The following SHANK2 variants were observed in gnomAD, a reference collection of about 807,000 sequenced individuals.
SHANK2 encodes the protein SH3 and multiple ankyrin repeat domains 2.
In SHANK2, 43 loss-of-function variants were observed where a neutral mutation model predicts 133.7. The ratio of observed to expected loss-of-function variants is 0.32; its 90% CI spans 0.25 to 0.41. The LOEUF is 0.41. Ranked by LOEUF, SHANK2 falls within the 10% of genes least tolerant of loss-of-function variation. The pLI, the probability that SHANK2 is intolerant of heterozygous loss-of-function variation, is 1.00. For missense variants in SHANK2, 1,994 were observed against 2,235.8 expected (o/e 0.89, Z 2.18); for synonymous variants, 1,017 against 952.8 (o/e 1.07, Z -1.24).
intron 2 of SHANK2, among the ~76,000 whole-genome samples, chr11:71,211,537 CA>C (rs201831418): frequency 8.9e-5 from 12 of 134,534 alleles, no homozygotes; most frequent in African/African-American, 2.2e-4. Context: ...GATCCTGTCT[CA>C]AAAAAAAATA....
intron 11 of SHANK2, among the ~76,000 whole-genome samples, chr11:70,891,178 C>T (rs563367792): frequency 2.6e-5 from 4 of 152,262 alleles, no homozygotes; most frequent in Non-Finnish European, 4.4e-5. Flanking sequence ...GGGGCCATAT[C>T]GTCCTGCTCA....
At chr11:70,755,323 C>T (rs879998180) in intron 14 of SHANK2, among the ~76,000 whole-genome samples, 10 of 152,322 alleles carry the variant, frequency 6.6e-5, no homozygotes, top group South Asian at 2.1e-4. Context: ...CCACCTGCCT[C>T]GGCCTCCCAA....
At chr11:70,714,721 C>T (rs919572761) in intron 14 of SHANK2, among the ~76,000 whole-genome samples, 2 of 152,148 alleles carry the variant, frequency 1.3e-5, no homozygotes, top group African/African-American at 4.8e-5. Flanking sequence ...GTCAAGGTCA[C>T]CCCATGGCCT....
intron 2 of SHANK2, among the ~76,000 whole-genome samples, chr11:71,190,161 C>T (rs1242019878): frequency 2.6e-5 from 4 of 152,268 alleles, no homozygotes; most frequent in Admixed American, 1.3e-4. Context: ...GCTGCCCAAA[C>T]TGCCCAGTGG....
At chr11:70,662,605 T>C (rs1483891698) in intron 15 of SHANK2, among the ~76,000 whole-genome samples, 2 of 152,092 alleles carry the variant, frequency 1.3e-5, no homozygotes, top group Non-Finnish European at 2.9e-5. Flanking sequence ...GATGAATTCA[T>C]TGCTGGGGAA....
At chr11:70,848,556 G>A (rs1215183413) in intron 11 of SHANK2, among the ~76,000 whole-genome samples, 1 of 152,208 alleles carries the variant, frequency 6.6e-6, no homozygotes, top group Non-Finnish European at 1.5e-5. Context: ...TGCACTGCAG[G>A]CCTTATCAGG....
intron 1 of SHANK2, chr11:71,226,767 A>G (rs1411733866): frequency 2.0e-5 from 3 of 152,084 alleles, no homozygotes; most frequent in African/African-American, 7.2e-5. Flanking sequence ...GCTAAAAAGA[A>G]GCCTTTCTAA....
chr11:70,894,793 C>G (rs552790058), intron 11 of SHANK2, among the ~76,000 whole-genome samples: 1 of 152,134 alleles, frequency 6.6e-6, no homozygotes, highest in South Asian at 2.1e-4. Flanking sequence ...TCGTCATGGG[C>G]GGGACCTGTG....
chr11:71,148,301 C>T (rs1329121783), intron 2 of SHANK2, among the ~76,000 whole-genome samples: 1 of 152,186 alleles, frequency 6.6e-6, no homozygotes, highest in Admixed American at 6.5e-5. Flanking sequence ...TCAGGCTGGT[C>T]TCAAACTCCC....
At chr11:70,709,852 C>T (rs926634204) in intron 14 of SHANK2, among the ~76,000 whole-genome samples, 11 of 151,934 alleles carry the variant, frequency 7.2e-5, no homozygotes, top group South Asian at 2.1e-4. Context: ...AGGAGCCAGC[C>T]GCAGGCCTCA....
chr11:70,877,304 C>T (rs1555071539), intron 11 of SHANK2, among the ~76,000 whole-genome samples: 1 of 152,230 alleles, frequency 6.6e-6, no homozygotes, highest in Non-Finnish European at 1.5e-5. Context: ...TCACCCTATG[C>T]CGATGGCCAG....
intron 21 of SHANK2, among the ~76,000 whole-genome samples, chr11:70,495,662 C>T (rs2058959023): frequency 6.6e-6 from 1 of 152,206 alleles, no homozygotes; most frequent in Non-Finnish European, 1.5e-5. Flanking sequence ...ACAGTGCTGG[C>T]CCGGGCCCCT....
intron 2 of SHANK2, among the ~76,000 whole-genome samples, chr11:71,209,145 A>T (rs1258163646): frequency 6.6e-6 from 1 of 152,134 alleles, no homozygotes; most frequent in Non-Finnish European, 1.5e-5. Flanking sequence ...AGATGGAAGG[A>T]GCTGGTCAGG....
intron 17 of SHANK2, among the ~76,000 whole-genome samples, chr11:70,528,574 T>TG (rs1189278300): frequency 1.3e-5 from 2 of 151,938 alleles, no homozygotes. Context: ...CAGAGCTCCA[T>TG]GGGGAGGGGG....
At chr11:70,520,204 C>A (rs1209253870) in intron 17 of SHANK2, among the ~76,000 whole-genome samples, 1 of 152,104 alleles carries the variant, frequency 6.6e-6, no homozygotes, top group Non-Finnish European at 1.5e-5. Context: ...AATTAATAAA[C>A]CAGTATTGAT....
chr11:70,772,799 T>G (rs1478699519), intron 14 of SHANK2, among the ~76,000 whole-genome samples: 9 of 152,226 alleles, frequency 5.9e-5, no homozygotes, highest in Admixed American at 3.9e-4. Context: ...CTAGCCAGAT[T>G]TTCTTTGCCC....
chr11:70,932,370 G>C (rs1244902765), intron 10 of SHANK2, among the ~76,000 whole-genome samples: 1 of 152,228 alleles, frequency 6.6e-6, no homozygotes, highest in Non-Finnish European at 1.5e-5. Context: ...GGAATAAGGG[G>C]TCTTCAGACC....
At chr11:70,894,612 C>T (rs1949906030) in intron 11 of SHANK2, among the ~76,000 whole-genome samples, 1 of 152,150 alleles carries the variant, frequency 6.6e-6, no homozygotes. Context: ...TCTCTCAGCT[C>T]CATGTGGAGA....
At chr11:70,494,850 G>A (rs1167735883) in intron 21 of SHANK2, among the ~76,000 whole-genome samples, 1 of 152,190 alleles carries the variant, frequency 6.6e-6, no homozygotes, top group Admixed American at 6.5e-5. Context: ...ACCAAGTCCA[G>A]CTGACCAGGC....
Sources: gnomAD v4.1 joint callset for allele counts (sites outside exome capture counted in the v4.1 genomes callset) on GRCh38, gnomAD v4.1.1 for gene constraint, MANE v1.5 for transcripts, NCBI Gene and HGNC (gene_info 2026-07-23, HGNC 2026-07-21) for gene names.